CNTNAP3B: variants seen among roughly 807,000 people sequenced by gnomAD.
CNTNAP3B encodes contactin-associated protein-like 3B.
CNTNAP3B carries 25 observed loss-of-function variants against 108.9 expected under a neutral mutation model. That is an observed-to-expected ratio of 0.23 (90% confidence interval 0.17 to 0.32). The LOEUF is 0.32. CNTNAP3B is among the 10% of genes least tolerant of loss of function. CNTNAP3B has a pLI of 1.00. For synonymous variants in CNTNAP3B, 103 were observed against 473.4 expected, an observed-to-expected ratio of 0.22 and a Z score of 10.16; for missense variants, 252 against 1,210.4, an observed-to-expected ratio of 0.21 and a Z score of 11.75.
At chr9:41,942,560 G>C (rs1355819855) in intron 13 of CNTNAP3B, among the ~76,000 whole-genome samples, 1 of 149,818 alleles carries the variant, frequency 6.7e-6, no homozygotes, top group Non-Finnish European at 1.5e-5. Flanking sequence ...GCAGTCAGCT[G>C]AGATGGCGCC....
chr9:41,932,313 T>G (rs1326329856), intron 14 of CNTNAP3B, among the ~76,000 whole-genome samples: 1 of 152,044 alleles, frequency 6.6e-6, no homozygotes, highest in Admixed American at 6.5e-5. Flanking sequence ...TGCTTTTATT[T>G]TATATTTTAT....
intron 18 of CNTNAP3B, among the ~76,000 whole-genome samples, chr9:41,916,546 G>A (rs1242442021): frequency 1.3e-5 from 2 of 151,992 alleles, no homozygotes; most frequent in African/African-American, 4.8e-5. Context: ...TTTGTAAGTA[G>A]GGATATATTT....
chr9:41,933,837 G>T (rs1251238118), intron 14 of CNTNAP3B, among the ~76,000 whole-genome samples: 1 of 152,210 alleles, frequency 6.6e-6, no homozygotes, highest in South Asian at 2.1e-4. Flanking sequence ...TTACAGTTAA[G>T]AATATAGTTT....
intron 11 of CNTNAP3B, among the ~76,000 whole-genome samples, chr9:41,963,145 G>A (rs1407029287): frequency 2.2e-4 from 33 of 152,272 alleles, no homozygotes; most frequent in Non-Finnish European, 4.3e-4. Context: ...CATGTATGAA[G>A]TGTGGTTTTA....
chr9:41,988,238 ATTTTTTTT>A (rs1209677991), intron 8 of CNTNAP3B, among the ~76,000 whole-genome samples: 8 of 25,880 alleles, frequency 3.1e-4, no homozygotes, highest in South Asian at 4.7e-3. Context: ...CCTTCTTTGA[ATTTTTTTT>A]TTTTTTTTTT....
rs529039120 is a variant in CNTNAP3B, at chr9:42,094,386, G to A, written c.196+10243C>T. Among the ~76,000 whole-genome samples the A allele has an allele frequency of 8.9e-4, 117 of 131,310 alleles. 21 individuals carry two copies. Among genetic ancestry groups the A allele is most frequent in the African/African-American group, 3.4e-3 (110 of 32,468 alleles). 86.1% of individuals were successfully genotyped at this position (131,310 alleles called of 152,430 possible). A position where few individuals can be genotyped will look rare whatever the true frequency, so the allele number is the denominator to read the frequency against. On this transcript the variant is annotated intron_variant, in intron 2 of 23. Transcript: ENST00000377561. Reference sequence around the variant, plus strand: ...AAAGAGGGCGGGGGCTGGGTATGGTGGCTCAGGCCTGTAATCCCAACATTT... The same window carrying A: ...AAAGAGGGCGGGGGCTGGGTATGGTAGCTCAGGCCTGTAATCCCAACATTT...
At chr9:41,967,919 A>C (rs1825329371) in intron 10 of CNTNAP3B, among the ~76,000 whole-genome samples, 1 of 152,226 alleles carries the variant, frequency 6.6e-6, no homozygotes, top group Admixed American at 6.5e-5. Context: ...TGGCTCACAC[A>C]TTCATGCTTA....
chr9:42,088,664 C>G (rs1168930285), intron 2 of CNTNAP3B, among the ~76,000 whole-genome samples: 1 of 137,736 alleles, frequency 7.3e-6, no homozygotes, highest in Non-Finnish European at 1.5e-5. Context: ...TTGTCATATG[C>G]TACAAATCTG....
intron 12 of CNTNAP3B, among the ~76,000 whole-genome samples, chr9:41,960,525 A>G (rs1318035598): frequency 6.6e-6 from 1 of 152,252 alleles, no homozygotes; most frequent in Non-Finnish European, 1.5e-5. Context: ...GCACATGAAC[A>G]GATGTATTAT....
At chr9:42,074,920 G>GT (rs1243250294) in intron 3 of CNTNAP3B, among the ~76,000 whole-genome samples, 1 of 144,384 alleles carries the variant, frequency 6.9e-6, no homozygotes, top group East Asian at 2.0e-4. Flanking sequence ...CAGAACTGCT[G>GT]TAACAAAGTG....
intron 1 of CNTNAP3B, among the ~76,000 whole-genome samples, chr9:42,119,644 A>G (rs1424270740): frequency 2.9e-5 from 4 of 138,572 alleles, no homozygotes; most frequent in Non-Finnish European, 1.5e-5. Flanking sequence ...ATAGAAAAAC[A>G]GAACAGAGCC....
Position 42,076,943 on chromosome 9 carries a change from C to T in CNTNAP3B, c.316G>A (p.Val106Met). The T allele has an allele frequency of 6.6e-7, 1 of 1,525,892 alleles. No individual in the cohort carries two copies. Among genetic ancestry groups the T allele is most frequent in the African/African-American group, 1.7e-5 (1 of 60,000 alleles). The allele number at this position is 1,525,892 out of a possible 1,614,324, so 94.5% of individuals were successfully genotyped here. A position where few individuals can be genotyped will look rare whatever the true frequency, so the allele number is the denominator to read the frequency against. ...TQGGYGSSDW[V>M]TSYLLMFSDG... ...CTGAACATCAGGAGGTAGCTGGTCA[C>T]CCAGTCAGAGCTCCCATATCCTCCT... Residue 106 changes from valine to methionine, a missense_variant, in exon 3 of 24, where the codon GTG becomes ATG. Transcript: ENST00000377561.
chr9:41,935,235 A>AC (rs1824120769), intron 14 of CNTNAP3B, among the ~76,000 whole-genome samples: 1 of 152,270 alleles, frequency 6.6e-6, no homozygotes, highest in African/African-American at 2.4e-5. Context: ...CTGATCATAA[A>AC]CTTTTTTTTA....
chr9:41,969,785 T>G (rs1333421466), intron 10 of CNTNAP3B, among the ~76,000 whole-genome samples: 3 of 54,826 alleles, frequency 5.5e-5, no homozygotes, highest in African/African-American at 1.7e-4. Context: ...GCCTGGCTAA[T>G]TTTTTTTTTT....
intron 2 of CNTNAP3B, among the ~76,000 whole-genome samples, chr9:42,088,675 AG>A (rs1564192969): frequency 7.2e-6 from 1 of 137,994 alleles, no homozygotes; most frequent in Non-Finnish European, 1.5e-5. Flanking sequence ...TACAAATCTG[AG>A]GAAAAAAAAG....
chr9:42,087,257 A>T (rs1439216800), intron 2 of CNTNAP3B, among the ~76,000 whole-genome samples: 1 of 138,204 alleles, frequency 7.2e-6, no homozygotes, highest in East Asian at 2.2e-4. Flanking sequence ...ATCCATACAC[A>T]ATAATGTATG....
At chr9:41,927,802 T>C (rs1823861287) in intron 15 of CNTNAP3B, among the ~76,000 whole-genome samples, 1 of 152,240 alleles carries the variant, frequency 6.6e-6, no homozygotes, top group African/African-American at 2.4e-5. Context: ...ACACAGCTGA[T>C]AACAAATTAC....
chr9:41,972,975 T>C (rs1825450306), intron 9 of CNTNAP3B, among the ~76,000 whole-genome samples: 1 of 102,346 alleles, frequency 9.8e-6, no homozygotes, highest in Non-Finnish European at 2.0e-5. Flanking sequence ...TCTCATGCTG[T>C]CACCCAGGCT....
In CNTNAP3B at chr9:41,962,050, C is replaced by T. The variant is rs897042199; in HGVS notation, c.1757-1158G>A. Among the ~76,000 whole-genome samples the T allele has an allele frequency of 3.2e-4, 49 of 152,352 alleles. No individual in the cohort carries two copies. The East Asian group carries it at 9.1e-3, about 28-fold the overall frequency. On this transcript the variant is annotated intron_variant, in intron 11 of 23. Transcript: ENST00000377561. Reference sequence around the variant, plus strand: ...CAAATATTGAGGAAAGTGACTAGAACTTGTGCTTTATGTGAACTGTTTGGC... The same window carrying T: ...CAAATATTGAGGAAAGTGACTAGAATTTGTGCTTTATGTGAACTGTTTGGC...
Sources: gnomAD v4.1 joint callset for allele counts (sites outside exome capture counted in the v4.1 genomes callset) on GRCh38, gnomAD v4.1.1 for gene constraint, MANE v1.5 for transcripts, NCBI Gene and HGNC (gene_info 2026-07-23, HGNC 2026-07-21) for gene names.